The following PPM1D variants were observed in gnomAD, a reference collection of about 807,000 sequenced individuals.
PPM1D encodes protein phosphatase, Mg2+/Mn2+ dependent 1D.
A neutral mutation model predicts 58.3 loss-of-function variants in PPM1D; 52 were observed. The observed-to-expected ratio is 0.89, with a 90% CI of 0.71 to 1.12. PPM1D has a LOEUF of 1.12. Among genes scored for constraint, PPM1D ranks in the 50% most tolerant of loss-of-function variants. The probability of loss-of-function intolerance (pLI) is 0.00; values close to 1 mark genes in which losing one functional copy is unlikely to be tolerated. For synonymous variants in PPM1D, 278 were observed against 285.1 expected (o/e 0.98, Z 0.25); for missense variants, 564 against 777.2 (o/e 0.73, Z 3.26).
At chr17:60,643,738 G>A (rs1339139494) in intron 3 of PPM1D, among the ~76,000 whole-genome samples, 3 of 152,010 alleles carry the variant, frequency 2.0e-5, no homozygotes, top group Non-Finnish European at 4.4e-5. Flanking sequence ...TGTGATATAC[G>A]GAGAAGGACA....
Position 60,664,111 on chromosome 17 carries a change from G to A in PPM1D, c.*559G>A, listed in dbSNP as rs1210908785. 6.5e-6 allele frequency: 1 copy of A among 154,274 alleles called. No homozygotes were observed. Among genetic ancestry groups the A allele is most frequent in the East Asian group, 1.9e-4 (1 of 5,228 alleles). 9.6% of individuals were successfully genotyped at this position (154,274 alleles called of 1,614,324 possible). A position where few individuals can be genotyped will look rare whatever the true frequency, so the allele number is the denominator to read the frequency against. On this transcript the variant is annotated 3_prime_UTR_variant, in exon 6 of 6. Transcript: ENST00000305921. ...TCAGAACTAAATTTTTCATAGAAGT[G>A]TTGAGCCATGCTACAGTTAGTCTTG...
chr17:60,646,820 T>A (rs908490661), intron 3 of PPM1D, among the ~76,000 whole-genome samples: 3 of 152,234 alleles, frequency 2.0e-5, no homozygotes, highest in Non-Finnish European at 4.4e-5. Context: ...AGGATAAATG[T>A]AAGAGCTTTC....
intron 5 of PPM1D, chr17:60,657,092 A>C: frequency 7.4e-7 from 1 of 1,353,686 alleles, no homozygotes; most frequent in Non-Finnish European, 9.5e-7. Flanking sequence ...AATGCTATGA[A>C]CATTATTTTT....
chr17:60,633,938 A>T lies in PPM1D; in HGVS notation c.787A>T (p.Ile263Phe). 1 of 1,613,934 alleles carries T rather than the reference A, an allele frequency of 6.2e-7. No homozygotes were observed. The highest frequency in any genetic ancestry group is 8.5e-7 in the Non-Finnish European group (1 of 1,179,846). The change falls in exon 3 of 6, where the codon ATT (isoleucine) becomes TTT (phenylalanine). Residue 263 changes from isoleucine to phenylalanine, a missense_variant. By Grantham distance (21) the Ile-to-Phe change is conservative. Transcript: ENST00000305921. The part of the protein sequence containing the change: ...HNGPVRRSTV[I>F]DQIPFLAVAR... ...TGGACCTGTTAGAAGGAGCACAGTTATTGACCAGATTCCTTTTCTGGCAGT... is the reference window on the plus strand; with the variant it reads ...TGGACCTGTTAGAAGGAGCACAGTTTTTGACCAGATTCCTTTTCTGGCAGT...
At chr17:60,625,707 A>G (rs940810200) in intron 2 of PPM1D, among the ~76,000 whole-genome samples, 1 of 152,206 alleles carries the variant, frequency 6.6e-6, no homozygotes. Flanking sequence ...AGGTTTAATG[A>G]TAGAGGAAAA....
chr17:60,654,584 G>A (rs1037007571), intron 4 of PPM1D, among the ~76,000 whole-genome samples: 1 of 151,328 alleles, frequency 6.6e-6, no homozygotes, highest in Non-Finnish European at 1.5e-5. Context: ...GCAGGCAGCC[G>A]GGCACGGCGG....
chr17:60,633,324 G>A (rs895670684), intron 2 of PPM1D, among the ~76,000 whole-genome samples: 3 of 152,094 alleles, frequency 2.0e-5, no homozygotes, highest in Non-Finnish European at 4.4e-5. Flanking sequence ...CTGAAGTTCT[G>A]CTGTTTCGCC....
intron 4 of PPM1D, among the ~76,000 whole-genome samples, chr17:60,654,310 AC>A (rs1168219103): frequency 7.0e-6 from 1 of 143,826 alleles, no homozygotes; most frequent in East Asian, 2.2e-4. Context: ...TCACTCTGTC[AC>A]CCAGGCTGGG....
Position 60,656,766 on chromosome 17 carries a change from G to A in PPM1D, c.1185G>A (p.Leu395=). 1 of 1,614,164 alleles carries A rather than the reference G, an allele frequency of 6.2e-7. No individual in the cohort carries two copies. The highest frequency in any genetic ancestry group is 8.5e-7 in the Non-Finnish European group (1 of 1,180,034). The change falls in exon 5 of 6, where the codon CTG becomes CTA. Residue 395 remains leucine (L), a synonymous_variant. Transcript: ENST00000305921. ...FTNEDELYLN[L]TDSPSYNSQE... ...ATGAAGATGAGTTATACCTGAACCT[G>A]ACTGACAGCCCTTCCTATAATAGTC... is the stretch of plus-strand genomic sequence containing the variant.
chr17:60,656,893 G>A (rs1020386063), intron 5 of PPM1D, 52 bp downstream of exon 5: 1 of 1,611,046 alleles, frequency 6.2e-7, no homozygotes, highest in East Asian at 2.2e-5. Flanking sequence ...CCAGTTCTTT[G>A]GTTAGCGTCA....
chr17:60,660,138 C>T (rs1308825010), intron 5 of PPM1D, among the ~76,000 whole-genome samples: 2 of 152,040 alleles, frequency 1.3e-5, no homozygotes, highest in Non-Finnish European at 2.9e-5. Context: ...GAGTTTGAGA[C>T]CAGCCTGGCC....
At chr17:60,648,340 C>T (rs184361929) in intron 4 of PPM1D, among the ~76,000 whole-genome samples, 1 of 151,406 alleles carries the variant, frequency 6.6e-6, no homozygotes, top group African/African-American at 2.4e-5. Flanking sequence ...TTGCTAATTC[C>T]TTATTTTTTT....
At chr17:60,622,193 A>C (rs2030721266) in intron 1 of PPM1D, among the ~76,000 whole-genome samples, 1 of 151,780 alleles carries the variant, frequency 6.6e-6, no homozygotes, top group Non-Finnish European at 1.5e-5. Context: ...CTGTCTCAAA[A>C]AAAAAAAAAA....
At chr17:60,623,818 T>C (rs2030751577) in intron 2 of PPM1D, 69 bp downstream of exon 2, 2 of 1,457,806 alleles carry the variant, frequency 1.4e-6, no homozygotes, top group Non-Finnish European at 1.9e-6. Context: ...ACTAATGAAA[T>C]TGACCTACTA....
Position 60,600,560 on chromosome 17 carries a change from T to TGCCTCCGCGGCCGTC in PPM1D, c.150_164dup (p.Pro51_Pro55dup). The stretch of plus-strand genomic sequence containing the variant: ...CCGCGGCGGTCGCTGTCTCAGCCGT[T>TGCCTCCGCGGCCGTC]GCCTCCGCGGCCGTCGCCGGCCGCC... On this transcript the variant is annotated inframe_insertion, in exon 1 of 6. Transcript: ENST00000305921. The TGCCTCCGCGGCCGTC allele has an allele frequency of 6.4e-7, 1 of 1,552,932 alleles. No homozygotes were observed. The highest frequency in any genetic ancestry group is 8.7e-7 in the Non-Finnish European group (1 of 1,148,780).
intron 1 of PPM1D, among the ~76,000 whole-genome samples, chr17:60,602,189 T>C (rs191815446): frequency 1.3e-5 from 2 of 152,258 alleles, no homozygotes; most frequent in African/African-American, 4.8e-5. Context: ...ATTTATTTTG[T>C]TTTTGTGTAG....
At chr17:60,645,582 ATG>A (rs1173289727) in intron 3 of PPM1D, among the ~76,000 whole-genome samples, 26 of 129,754 alleles carry the variant, frequency 2.0e-4, no homozygotes, top group African/African-American at 4.4e-4. Flanking sequence ...GTATATATAT[ATG>A]TGTGTATATA....
chr17:60,625,893 G>A (rs1281403615), intron 2 of PPM1D, among the ~76,000 whole-genome samples: 1 of 151,986 alleles, frequency 6.6e-6, no homozygotes, highest in Non-Finnish European at 1.5e-5. Flanking sequence ...AATTCAGGTA[G>A]CATAAAAAAG....
intron 1 of PPM1D, among the ~76,000 whole-genome samples, chr17:60,615,489 T>C (rs1055303378): frequency 6.6e-6 from 1 of 151,744 alleles, no homozygotes; most frequent in African/African-American, 2.4e-5. Flanking sequence ...TCGTTTTATG[T>C]CATTAAAAAA....
Sources: gnomAD v4.1 joint callset for allele counts (sites outside exome capture counted in the v4.1 genomes callset) on GRCh38, gnomAD v4.1.1 for gene constraint, MANE v1.5 for transcripts, NCBI Gene and HGNC (gene_info 2026-07-23, HGNC 2026-07-21) for gene names.